The following DOCK1 variants were observed in gnomAD, a reference collection of about 807,000 sequenced individuals.
DOCK1 encodes dedicator of cytokinesis 1, also known as dedicator of cytokinesis protein 1.
In DOCK1, 138 loss-of-function variants were observed where a neutral mutation model predicts 262.7. The ratio of observed to expected loss-of-function variants is 0.53; its 90% CI spans 0.46 to 0.61. The LOEUF (loss-of-function observed/expected upper bound fraction) is 0.61. Ranked by LOEUF, DOCK1 falls within the 20% of genes least tolerant of loss-of-function variation. The probability of loss-of-function intolerance (pLI) is 0.00; values close to 1 mark genes in which losing one functional copy is unlikely to be tolerated. For synonymous variants in DOCK1, 866 were observed against 867.4 expected, an observed-to-expected ratio of 1.00 and a Z score of 0.03; for missense variants, 1,908 against 2,370.7, an observed-to-expected ratio of 0.80 and a Z score of 4.05.
At chr10:126,952,067 A>G (rs932488672) in intron 1 of DOCK1, among the ~76,000 whole-genome samples, 24 of 152,024 alleles carry the variant, frequency 1.6e-4, no homozygotes, top group African/African-American at 5.5e-4. Flanking sequence ...CCAGGATGGT[A>G]TCAATTTCTT....
intron 1 of DOCK1, among the ~76,000 whole-genome samples, chr10:126,939,248 C>T (rs2034810880): frequency 6.6e-6 from 1 of 152,160 alleles, no homozygotes. Flanking sequence ...GATTTAGTCA[C>T]CCCTCAAAGT....
rs2041533785 is a variant in DOCK1, at chr10:127,012,478, A to G, written c.1201+104A>G. ...TGATGTTGATCATGATGGTGGTGAT[A>G]ATGATGGGGATGACAGTGATCGTGG... On this transcript the variant is annotated intron_variant, in intron 12 of 51. Coordinates refer to ENST00000623213, the MANE Select transcript of DOCK1 (RefSeq NM_001290223.2). The surrounding 1 kb of genome is among the most constrained non-coding windows in gnomAD (Gnocchi z 4.0). 7.5e-6 allele frequency: 7 copies of G among 933,062 alleles called. No homozygotes were observed. The highest frequency in any genetic ancestry group is 1.2e-5 in the Non-Finnish European group (7 of 586,390). 57.8% of individuals were successfully genotyped at this position (933,062 alleles called of 1,614,324 possible).
At chr10:127,395,662 G>A (rs1248374614) in intron 38 of DOCK1, among the ~76,000 whole-genome samples, 1 of 152,188 alleles carries the variant, frequency 6.6e-6, no homozygotes, top group Non-Finnish European at 1.5e-5. Flanking sequence ...GGTGGCAGCA[G>A]ACTTAGAGGA....
At chr10:127,149,048 T>C (rs763320313) in intron 27 of DOCK1, among the ~76,000 whole-genome samples, 4 of 152,190 alleles carry the variant, frequency 2.6e-5, no homozygotes, top group South Asian at 2.1e-4. Flanking sequence ...TCTGAGTCAA[T>C]AGATTTGCCA....
intron 16 of DOCK1, among the ~76,000 whole-genome samples, chr10:127,027,991 G>A (rs998936316): frequency 2.0e-5 from 3 of 151,448 alleles, no homozygotes; most frequent in African/African-American, 7.3e-5. Flanking sequence ...GGTGGGGCCC[G>A]GCCTGGGATG....
At chr10:127,079,346 C>T (rs1451768569) in intron 23 of DOCK1, among the ~76,000 whole-genome samples, 4 of 152,202 alleles carry the variant, frequency 2.6e-5, no homozygotes, top group African/African-American at 9.6e-5. Flanking sequence ...GATTTAAACT[C>T]TGTTCTGCAA....
intron 1 of DOCK1, among the ~76,000 whole-genome samples, chr10:126,906,001 C>T (rs2030715739): frequency 6.6e-6 from 1 of 152,138 alleles, no homozygotes. Flanking sequence ...CGTCCCGCGT[C>T]CGGGCTCTGG....
chr10:127,219,799 C>G (rs2058355741), intron 27 of DOCK1, among the ~76,000 whole-genome samples: 1 of 152,108 alleles, frequency 6.6e-6, no homozygotes, highest in Non-Finnish European at 1.5e-5. Flanking sequence ...GCCCATGGAG[C>G]TCTATCCTAC....
chr10:127,261,709 ATG>A (rs1564945992), intron 29 of DOCK1, among the ~76,000 whole-genome samples: 1 of 107,614 alleles, frequency 9.3e-6, no homozygotes. Flanking sequence ...GTGTACCTGC[ATG>A]TGTGTGCATG....
chr10:127,183,708 A>G (rs953412904), intron 27 of DOCK1, among the ~76,000 whole-genome samples: 4 of 152,214 alleles, frequency 2.6e-5, no homozygotes, highest in African/African-American at 9.6e-5. Flanking sequence ...GCACAGAGCG[A>G]AATTTTAGCA....
intron 27 of DOCK1, among the ~76,000 whole-genome samples, chr10:127,197,049 T>C (rs894137046): frequency 2.0e-5 from 3 of 152,174 alleles, no homozygotes; most frequent in African/African-American, 7.2e-5. Context: ...CTGCGGATGC[T>C]GCCTTGTAGA....
In DOCK1 at chr10:126,957,087, C is replaced by T. The variant is rs945017935; in HGVS notation, c.47-13615C>T. On this transcript the variant is annotated intron_variant, in intron 1 of 51. Transcript: ENST00000623213. ...TCTGCAAGGGGGTCCTCTCCAGCAG[C>T]CTGTGCCAACAGGCACTAGGCTTTA... is the stretch of plus-strand genomic sequence containing the variant. Among the ~76,000 whole-genome samples, 13 of 152,314 alleles carry T rather than the reference C, an allele frequency of 8.5e-5. No homozygotes were observed. In the East Asian group the frequency reaches 1.7e-3, roughly 20 times the overall value.
intron 23 of DOCK1, among the ~76,000 whole-genome samples, chr10:127,101,235 G>C (rs7918450): frequency 1.2e-3 from 179 of 152,140 alleles, no homozygotes; most frequent in African/African-American, 3.8e-3. Context: ...GAGATGGGAG[G>C]GGTGGGGGTC....
At chr10:126,906,350 T>TGGGACCCGCATCCTTGCGCCCCG (rs1243806274) in intron 1 of DOCK1, among the ~76,000 whole-genome samples, 3 of 152,124 alleles carry the variant, frequency 2.0e-5, no homozygotes, top group African/African-American at 7.2e-5. Context: ...CCCGTCCGCG[T>TGGGACCCGCATCCTTGCGCCCCG]GGGACCCGCA....
At chr10:127,209,040 C>A (rs1283203794) in intron 27 of DOCK1, among the ~76,000 whole-genome samples, 1 of 152,046 alleles carries the variant, frequency 6.6e-6, no homozygotes, top group Non-Finnish European at 1.5e-5. Context: ...GCATTTTTTT[C>A]ATGTGTGTTT....
Position 127,176,169 on chromosome 10 carries a change from T to G in DOCK1, c.2847+48405T>G. On this transcript the variant is annotated intron_variant, in intron 27 of 51. Transcript: ENST00000623213. This position sits in a 1 kb window ranked among gnomAD's most constrained non-coding sequence, Gnocchi z 4.4. ...GTAGGCTGCTCTGCAGGACACGGGC[T>G]TGGCCTCCCGCTTCTCCCCCAGCTG... is the stretch of plus-strand genomic sequence containing the variant. 6.2e-7 allele frequency: 1 copy of G among 1,614,150 alleles called. No individual in the cohort carries two copies. The highest frequency in any genetic ancestry group is 8.5e-7 in the Non-Finnish European group (1 of 1,180,034).
chr10:127,350,864 G>T (rs1308002446), intron 31 of DOCK1, among the ~76,000 whole-genome samples: 2 of 152,130 alleles, frequency 1.3e-5, no homozygotes, highest in Admixed American at 1.3e-4. Context: ...GATTTTAAAG[G>T]AAGGACCTAG....
chr10:127,155,766 T>G (rs2052981901), intron 27 of DOCK1, among the ~76,000 whole-genome samples: 1 of 152,220 alleles, frequency 6.6e-6, no homozygotes. Context: ...ACTTACAGCC[T>G]TTCTCCATCA....
At chr10:127,413,974 T>A (rs1298618342) in intron 43 of DOCK1, among the ~76,000 whole-genome samples, 1 of 152,112 alleles carries the variant, frequency 6.6e-6, no homozygotes, top group Non-Finnish European at 1.5e-5. Flanking sequence ...TGCAGTGGTG[T>A]AATGTCAGCT....
Sources: allele counts gnomAD v4.1 joint callset (sites outside exome capture counted in the v4.1 genomes callset), GRCh38; gene constraint gnomAD v4.1.1; non-coding constraint Gnocchi (gnomAD v3.1); transcripts MANE v1.5; gene names NCBI Gene and HGNC (gene_info 2026-07-23, HGNC 2026-07-21).